The following LRPAP1 variants were observed in gnomAD, a reference collection of about 807,000 sequenced individuals.
LRPAP1 encodes alpha-2-macroglobulin receptor-associated protein.
Under a neutral mutation model 39.9 loss-of-function variants are expected in LRPAP1, and 41 were observed. The ratio of observed to expected loss-of-function variants is 1.03; its 90% CI spans 0.80 to 1.33. LRPAP1 has a LOEUF of 1.33. LRPAP1 is among the 40% of genes most tolerant of loss of function. LRPAP1 has a pLI of 0.00. For synonymous variants in LRPAP1, 263 were observed against 212.7 expected (o/e 1.24, Z -2.06); for missense variants, 565 against 482.3 (o/e 1.17, Z -1.61).
chr4:3,527,469 A>G (rs1191142673), intron 1 of LRPAP1, among the ~76,000 whole-genome samples: 1 of 152,128 alleles, frequency 6.6e-6, no homozygotes, highest in Non-Finnish European at 1.5e-5. Context: ...TTTGTGACCC[A>G]AACTCCTGGA....
chr4:3,520,791 T>C (rs1729887255), intron 2 of LRPAP1, among the ~76,000 whole-genome samples: 1 of 152,210 alleles, frequency 6.6e-6, no homozygotes, highest in Non-Finnish European at 1.5e-5. Context: ...CCAGGAGGAA[T>C]AAATAGTCTG....
rs1284214360 is a variant in LRPAP1 at position 3,505,691 on chromosome 4, G to T, written c.*7283C>A. 6.6e-6 allele frequency among the ~76,000 whole-genome samples: 1 copy of T among 152,146 alleles called. No individual in the cohort carries two copies. The highest frequency in any genetic ancestry group is 2.4e-5 in the African/African-American group (1 of 41,438). ...AGCTACCCCAAGACCGTCTATACCA[G>T]CTACCCCAAGACCGTCTATACCAGC... On this transcript the variant is annotated 3_prime_UTR_variant, in exon 8 of 8. Coordinates refer to ENST00000650182, the MANE Select transcript of LRPAP1 (RefSeq NM_002337.4).
Position 3,504,898 on chromosome 4 carries a change from G to T in LRPAP1, c.*8076C>A, listed in dbSNP as rs1357507524. 1.3e-5 allele frequency among the ~76,000 whole-genome samples: 2 copies of T among 152,100 alleles called. No individual in the cohort carries two copies. The highest frequency in any genetic ancestry group is 2.9e-5 in the Non-Finnish European group (2 of 68,024). ...GGAGGCAGAGGTTGCAGTGAGCCGA[G>T]ATCGCACCAACGCACTCCAGCCTGG... On this transcript the variant is annotated 3_prime_UTR_variant, in exon 8 of 8. Coordinates refer to ENST00000650182, the MANE Select transcript of LRPAP1 (RefSeq NM_002337.4).
chr4:3,507,549 T>G lies in LRPAP1; in HGVS notation c.*5425A>C, dbSNP rs1430323794. On this transcript the variant is annotated 3_prime_UTR_variant, in exon 8 of 8. Coordinates refer to ENST00000650182, the MANE Select transcript of LRPAP1 (RefSeq NM_002337.4). ...TAGTACCTCGTCCATTTTTAAAAGA[T>G]TCCATGCGTGCTTAAGAATGTTTTC... is the stretch of plus-strand genomic sequence containing the variant. 6.6e-6 allele frequency: 1 copy of G among 152,238 alleles called. No individual in the cohort carries two copies. The highest frequency in any genetic ancestry group is 1.5e-5 in the Non-Finnish European group (1 of 68,038). The allele number at this position is 152,238 out of a possible 1,614,324, so 9.4% of individuals were successfully genotyped here.
Position 3,520,157 on chromosome 4 carries a change from T to C in LRPAP1, c.386A>G (p.Asp129Gly), listed in dbSNP as rs1203891912. The change falls in exon 3 of 8, where the codon GAC becomes GGC. Residue 129 changes from aspartate (D) to glycine (G), a missense_variant. By Grantham distance (94) the Asp-to-Gly change is moderately conservative. Coordinates refer to ENST00000650182, the MANE Select transcript of LRPAP1 (RefSeq NM_002337.4). ...GGAGTTGCTGGTCACCTGCCGAGCG[T>C]CCTTCTTTCCGTCCAGACCATACTT... ...LAKYGLDGKK[D>G]ARQVTSNSLS... The C allele has an allele frequency of 6.2e-7, 1 of 1,614,186 alleles. No individual in the cohort carries two copies. The highest frequency in any genetic ancestry group is 1.1e-5 in the South Asian group (1 of 91,082).
At chr4:3,515,867 C>G (rs541717804) in intron 6 of LRPAP1, 1 of 549,632 alleles carries the variant, frequency 1.8e-6, no homozygotes, top group East Asian at 3.2e-5. Flanking sequence ...ACCAAGGCCA[C>G]GCTCAGACGT....
chr4:3,518,934 G>A lies in LRPAP1; in HGVS notation c.529C>T (p.Leu177=). 1 of 1,613,850 alleles carries A rather than the reference G, an allele frequency of 6.2e-7. No individual in the cohort carries two copies. Among genetic ancestry groups the A allele is most frequent in the African/African-American group, 1.3e-5 (1 of 75,038 alleles). The change falls in exon 4 of 8, where the codon CTG becomes TTG. Residue 177 remains leucine, a synonymous_variant. Transcript: ENST00000650182. Reference sequence around the variant, plus strand: ...TCGTGAACTTTCTCTTTGTGATGCAGGAACTCCCGCCAGAGCTTGTCCAGT... The same window carrying A: ...TCGTGAACTTTCTCTTTGTGATGCAAGAACTCCCGCCAGAGCTTGTCCAGT... The part of the protein sequence containing the change: ...EELDKLWREF[L]HHKEKVHEYN...
chr4:3,514,842 G>A lies in LRPAP1; in HGVS notation c.921C>T (p.His307=), dbSNP rs766316350. 14 of 1,613,652 alleles carry A rather than the reference G, an allele frequency of 8.7e-6. No individual in the cohort carries two copies. Among genetic ancestry groups the A allele is most frequent in the African/African-American group, 5.3e-5 (4 of 74,950 alleles). ...QLEIAHEKLR[H]AESVGDGERV... is the part of the protein sequence containing the mutation. ...GCTCGCCGTCGCCCACGCTCTCTGC[G>A]TGCCTCAGCTTCTCGTGCGCAATCT... Residue 307 remains histidine (H), a synonymous_variant, in exon 7 of 8, where the codon CAC becomes CAT. Coordinates refer to ENST00000650182, the MANE Select transcript of LRPAP1 (RefSeq NM_002337.4).
chr4:3,513,946 C>G (rs910450197), intron 7 of LRPAP1, among the ~76,000 whole-genome samples: 1 of 152,256 alleles, frequency 6.6e-6, no homozygotes, highest in Admixed American at 6.5e-5. Flanking sequence ...GTGCGGGTGC[C>G]TCAGGCAGTG....
chr4:3,519,462 G>A (rs760539176), intron 3 of LRPAP1, among the ~76,000 whole-genome samples: 1 of 152,192 alleles, frequency 6.6e-6, no homozygotes, highest in Non-Finnish European at 1.5e-5. Context: ...CCCTTCTACC[G>A]ACTCCATCTC....
chr4:3,507,081 G>A lies in LRPAP1; in HGVS notation c.*5893C>T, dbSNP rs1421603925. On this transcript the variant is annotated 3_prime_UTR_variant, in exon 8 of 8. Coordinates refer to ENST00000650182, the MANE Select transcript of LRPAP1 (RefSeq NM_002337.4). ...AAAAAACCTTTTCTTTAAATTAGCAGAGCATAGTGATGCATGCCTGTAGTC... is the reference window on the plus strand; with the variant it reads ...AAAAAACCTTTTCTTTAAATTAGCAAAGCATAGTGATGCATGCCTGTAGTC... 1.3e-5 allele frequency: 2 copies of A among 152,204 alleles called. No homozygotes were observed. Among genetic ancestry groups the A allele is most frequent in the African/African-American group, 2.4e-5 (1 of 41,446 alleles). 9.4% of individuals were successfully genotyped at this position (152,204 alleles called of 1,614,324 possible). A position where few individuals can be genotyped will look rare whatever the true frequency, so the allele number is the denominator to read the frequency against.
At chr4:3,523,622 G>A (rs541838032) in intron 2 of LRPAP1, among the ~76,000 whole-genome samples, 1 of 152,304 alleles carries the variant, frequency 6.6e-6, no homozygotes, top group Admixed American at 6.5e-5. Context: ...CACCCTCTCT[G>A]AGCCTGTCAA....
At chr4:3,516,029 GGA>G in intron 6 of LRPAP1, 85 bp downstream of exon 6, 1 of 1,257,790 alleles carries the variant, frequency 8.0e-7, no homozygotes, top group Middle Eastern at 1.9e-4. Flanking sequence ...AGAGCTTGGA[GGA>G]GAGGGCTGCA....
intron 5 of LRPAP1, among the ~76,000 whole-genome samples, 181 bp from the exon 6 acceptor site, chr4:3,516,379 T>C (rs1032426884): frequency 2.0e-5 from 3 of 152,264 alleles, no homozygotes; most frequent in Non-Finnish European, 4.4e-5. Context: ...ATCTGCTCAG[T>C]AGCTCACATG....
chr4:3,522,957 G>A (rs368909920), intron 2 of LRPAP1, among the ~76,000 whole-genome samples: 3 of 152,180 alleles, frequency 2.0e-5, no homozygotes, highest in East Asian at 1.9e-4. Context: ...GACCTCGGGG[G>A]TCCAGGGACC....
At position 3,507,617 on chromosome 4, in the gene LRPAP1, C is replaced by G. The variant is rs1226939628; in HGVS notation, c.*5357G>C. ...GACCAAGTTTTTAACTGTATTATCC[C>G]ATTCTTTCATATTCTTCATCAATGA... On this transcript the variant is annotated 3_prime_UTR_variant, in exon 8 of 8. Coordinates refer to ENST00000650182, the MANE Select transcript of LRPAP1 (RefSeq NM_002337.4). 1 of 150,842 alleles carries G rather than the reference C, an allele frequency of 6.6e-6. No homozygotes were observed. The highest frequency in any genetic ancestry group is 1.5e-5 in the Non-Finnish European group (1 of 67,618). The allele number at this position is 150,842 out of a possible 1,614,324, so 9.3% of individuals were successfully genotyped here.
chr4:3,519,018 A>G, intron 3 of LRPAP1, 27 bp from the exon 4 acceptor site: 1 of 1,607,318 alleles, frequency 6.2e-7, no homozygotes, highest in African/African-American at 1.3e-5. Flanking sequence ...GCCTGGAGTG[A>G]ACCCGCCGCG....
At position 3,516,665 on chromosome 4, in the gene LRPAP1, T is replaced by G. The variant is rs150521009; in HGVS notation, c.752-467A>C. Among the ~76,000 whole-genome samples the G allele has an allele frequency of 2.3e-3, 356 of 152,224 alleles. 11 individuals are homozygous for G. In the East Asian group the frequency reaches 0.062, roughly 27 times the overall value. On this transcript the variant is annotated intron_variant, in intron 5 of 7. Coordinates refer to ENST00000650182, the MANE Select transcript of LRPAP1 (RefSeq NM_002337.4). Reference sequence around the variant, plus strand: ...CAGCAGGATGTTGTGCTCGTGAAAGTCAAACATTCGGGCTCCTGGGAGGAG... The same window carrying G: ...CAGCAGGATGTTGTGCTCGTGAAAGGCAAACATTCGGGCTCCTGGGAGGAG...
rs1246722426 is a variant in LRPAP1 at position 3,505,692 on chromosome 4, C to A, written c.*7282G>T. 2.6e-5 allele frequency among the ~76,000 whole-genome samples: 4 copies of A among 152,244 alleles called. No individual in the cohort carries two copies. The highest frequency in any genetic ancestry group is 9.6e-5 in the African/African-American group (4 of 41,476). On this transcript the variant is annotated 3_prime_UTR_variant, in exon 8 of 8. Coordinates refer to ENST00000650182, the MANE Select transcript of LRPAP1 (RefSeq NM_002337.4). Reference sequence around the variant, plus strand: ...GCTACCCCAAGACCGTCTATACCAGCTACCCCAAGACCGTCTATACCAGCT... The same window carrying A: ...GCTACCCCAAGACCGTCTATACCAGATACCCCAAGACCGTCTATACCAGCT...
Sources: allele counts gnomAD v4.1 joint callset (sites outside exome capture counted in the v4.1 genomes callset), GRCh38; gene constraint gnomAD v4.1.1; transcripts MANE v1.5; gene names NCBI Gene and HGNC (gene_info 2026-07-23, HGNC 2026-07-21).